NCKAP5: variants seen among roughly 807,000 people sequenced by gnomAD.
The protein encoded by NCKAP5 is NCK associated protein 5, also known as nck-associated protein 5.
A neutral mutation model predicts 167.0 loss-of-function variants in NCKAP5; 92 were observed. That is an observed-to-expected ratio of 0.55 (90% CI 0.47 to 0.66). The LOEUF is 0.66. Ranked by LOEUF, NCKAP5 falls within the 30% of genes least tolerant of loss-of-function variation. The pLI, the probability that NCKAP5 is intolerant of heterozygous loss-of-function variation, is 0.00. For missense variants in NCKAP5, 2,378 were observed against 2,315.0 expected (o/e 1.03, Z -0.56); for synonymous variants, 891 against 877.4 (o/e 1.02, Z -0.27).
chr2:133,111,854 T>C (rs2081925011), intron 6 of NCKAP5, among the ~76,000 whole-genome samples: 1 of 152,042 alleles, frequency 6.6e-6, no homozygotes, highest in Non-Finnish European at 1.5e-5. Context: ...AAAAGATAAA[T>C]TAGTGGAAAA....
At chr2:133,376,342 T>C (rs947182601) in intron 3 of NCKAP5, among the ~76,000 whole-genome samples, 1 of 152,206 alleles carries the variant, frequency 6.6e-6, no homozygotes, top group Non-Finnish European at 1.5e-5. Context: ...CAGTGTGGCA[T>C]CACCATTCAG....
intron 3 of NCKAP5, among the ~76,000 whole-genome samples, chr2:133,432,373 T>C (rs771525693): frequency 2.0e-5 from 3 of 152,206 alleles, no homozygotes; most frequent in African/African-American, 7.2e-5. Context: ...AAAGACTCAG[T>C]TGAGTTTAAA....
intron 7 of NCKAP5, among the ~76,000 whole-genome samples, chr2:132,974,738 C>A (rs530655531): frequency 1.1e-4 from 16 of 152,342 alleles, no homozygotes; most frequent in Non-Finnish European, 2.1e-4. Context: ...TCTCCCAAGG[C>A]TCCCAGGCCA....
rs536579183 is a variant in NCKAP5 at position 133,038,268 on chromosome 2, A to G, written c.342-44029T>C. Among the ~76,000 whole-genome samples, 7 of 152,300 alleles carry G rather than the reference A, an allele frequency of 4.6e-5. No individual in the cohort carries two copies. The South Asian group carries it at 1.0e-3, about 23-fold the overall frequency. On this transcript the variant is annotated intron_variant, in intron 6 of 19. Coordinates refer to ENST00000409261, the MANE Select transcript of NCKAP5 (RefSeq NM_207363.3). ...TACAGAAAACGTGGTACATGTACAC[A>G]ATGGAATACTATTCAGCCATAAAAA... is the stretch of plus-strand genomic sequence containing the variant.
intron 3 of NCKAP5, among the ~76,000 whole-genome samples, chr2:133,429,664 C>T (rs973474219): frequency 3.3e-5 from 5 of 150,544 alleles, no homozygotes; most frequent in South Asian, 4.2e-4. Context: ...TTTATGGCTG[C>T]ATAGTATTCC....
At chr2:133,673,279 C>T in the NCKAP5 span, among the ~76,000 whole-genome samples, 3 of 152,146 alleles carry the variant, frequency 2.0e-5, no homozygotes, top group South Asian at 2.1e-4. Flanking sequence ...AGTGAACCTC[C>T]GTGGCCATGG....
chr2:133,154,136 C>A (rs1287793035), intron 5 of NCKAP5, among the ~76,000 whole-genome samples: 2 of 152,122 alleles, frequency 1.3e-5, no homozygotes. Flanking sequence ...GCCACCACTC[C>A]CGGCCAGTTC....
At chr2:133,338,860 A>G (rs1651264788) in intron 3 of NCKAP5, among the ~76,000 whole-genome samples, 1 of 152,002 alleles carries the variant, frequency 6.6e-6, no homozygotes, top group Admixed American at 6.6e-5. Context: ...AAACAAAAAC[A>G]AAAACAAAAA....
At chr2:133,007,987 G>A (rs927210941) in intron 6 of NCKAP5, among the ~76,000 whole-genome samples, 7 of 152,184 alleles carry the variant, frequency 4.6e-5, no homozygotes, top group African/African-American at 1.7e-4. Context: ...GCCCAGCAAA[G>A]AGAAGAGAAC....
chr2:133,046,180 A>T (rs990310344), intron 6 of NCKAP5, among the ~76,000 whole-genome samples: 1 of 152,182 alleles, frequency 6.6e-6, no homozygotes, highest in Non-Finnish European at 1.5e-5. Flanking sequence ...TTGGAAAGTG[A>T]AACTACAGAT....
At chr2:132,980,334 CG>C (rs2077096587) in intron 7 of NCKAP5, among the ~76,000 whole-genome samples, 1 of 151,702 alleles carries the variant, frequency 6.6e-6, no homozygotes, top group African/African-American at 2.4e-5. Context: ...AATAGGCCTG[CG>C]GAAATTTAAA....
chr2:133,304,613 T>C (rs1306777236), intron 3 of NCKAP5, among the ~76,000 whole-genome samples: 1 of 152,218 alleles, frequency 6.6e-6, no homozygotes, highest in African/African-American at 2.4e-5. Flanking sequence ...ATCAAATACA[T>C]GAATTCTCAA....
intron 4 of NCKAP5, among the ~76,000 whole-genome samples, chr2:133,240,348 G>C (rs924970160): frequency 6.6e-6 from 1 of 152,186 alleles, no homozygotes; most frequent in Non-Finnish European, 1.5e-5. Flanking sequence ...CAGTACAAGA[G>C]TGACATGGAA....
chr2:132,743,657 A>T (rs1055961455), intron 16 of NCKAP5, among the ~76,000 whole-genome samples: 1 of 151,732 alleles, frequency 6.6e-6, no homozygotes, highest in Non-Finnish European at 1.5e-5. Context: ...ATAAATAATT[A>T]TATGGTAGAT....
chr2:132,922,421 A>C (rs1695513570), intron 8 of NCKAP5, among the ~76,000 whole-genome samples: 1 of 152,140 alleles, frequency 6.6e-6, no homozygotes, highest in Non-Finnish European at 1.5e-5. Flanking sequence ...AAATGTGATC[A>C]TGCAATTCCT....
chr2:133,355,794 G>A (rs1199727414), intron 3 of NCKAP5, among the ~76,000 whole-genome samples: 3 of 151,968 alleles, frequency 2.0e-5, no homozygotes, highest in Non-Finnish European at 4.4e-5. Context: ...CCTTGCGTGT[G>A]GAGTATAATC....
chr2:133,642,427 T>C, the NCKAP5 span, among the ~76,000 whole-genome samples: 2 of 152,158 alleles, frequency 1.3e-5, no homozygotes, highest in African/African-American at 2.4e-5. Flanking sequence ...GATGAACATA[T>C]AGAAAGCCTT....
At chr2:133,447,543 C>G (rs992626222) in intron 3 of NCKAP5, among the ~76,000 whole-genome samples, 7 of 133,342 alleles carry the variant, frequency 5.2e-5, no homozygotes, top group African/African-American at 1.6e-4. Flanking sequence ...TCCTTTCCCC[C>G]TTCCCTCCCC....
chr2:133,371,471 C>T (rs574998629), intron 3 of NCKAP5, among the ~76,000 whole-genome samples: 6 of 152,230 alleles, frequency 3.9e-5, no homozygotes, highest in South Asian at 4.1e-4. Flanking sequence ...TCATGGTTTT[C>T]GGATGGCACC....
Sources: gnomAD v4.1 joint callset for allele counts (sites outside exome capture counted in the v4.1 genomes callset) on GRCh38, gnomAD v4.1.1 for gene constraint, MANE v1.5 for transcripts, NCBI Gene and HGNC (gene_info 2026-07-23, HGNC 2026-07-21) for gene names.